NRG1: variants seen among roughly 807,000 people sequenced by gnomAD.
The protein encoded by NRG1 is pro-neuregulin-1, membrane-bound isoform.
In NRG1, 18 loss-of-function variants were observed where a neutral mutation model predicts 63.8. That is an observed-to-expected ratio of 0.28 (90% CI 0.19 to 0.42). The LOEUF (loss-of-function observed/expected upper bound fraction) is 0.42. Ranked by LOEUF, NRG1 falls within the 10% of genes least tolerant of loss-of-function variation. The pLI, the probability that NRG1 is intolerant of heterozygous loss-of-function variation, is 1.00. For missense variants in NRG1, 762 were observed against 814.7 expected, an observed-to-expected ratio of 0.94 and a Z score of 0.79; for synonymous variants, 302 against 301.3, an observed-to-expected ratio of 1.00 and a Z score of -0.02.
At chr8:32,370,447 A>T (rs1808662529) in intron 1 of NRG1, among the ~76,000 whole-genome samples, 1 of 152,178 alleles carries the variant, frequency 6.6e-6, no homozygotes, top group Non-Finnish European at 1.5e-5. Context: ...CTACAAAAGC[A>T]TTGAAAAAGG....
chr8:32,143,204 G>A (rs1836475070), intron 1 of NRG1, among the ~76,000 whole-genome samples: 1 of 152,046 alleles, frequency 6.6e-6, no homozygotes, highest in African/African-American at 2.4e-5. Flanking sequence ...CAGAGCAGAT[G>A]GCCTGTGTCT....
chr8:32,175,495 A>G (rs369449660), intron 1 of NRG1, among the ~76,000 whole-genome samples: 6 of 152,222 alleles, frequency 3.9e-5, no homozygotes, highest in East Asian at 1.9e-4. Context: ...TATCAGGCAG[A>G]AGAAGGAAAT....
At position 32,366,677 on chromosome 8, in the gene NRG1, GTATATA is replaced by G. The variant is rs71208175; in HGVS notation, c.38-229119_38-229114del. ...ATTGTGTGTGTGTGTGTGTGTGTGT[GTATATA>G]TATATATATATATATATATATATAT... On this transcript the variant is annotated intron_variant, in intron 1 of 10. Transcript: ENST00000519301. Among the ~76,000 whole-genome samples the G allele has an allele frequency of 3.4e-3, 299 of 87,496 alleles. 5 individuals are homozygous for G. Among genetic ancestry groups the G allele is most frequent in the African/African-American group, 0.011 (240 of 21,598 alleles). 57.4% of individuals were successfully genotyped at this position (87,496 alleles called of 152,430 possible).
At chr8:32,456,734 G>T (rs1435164448) in intron 1 of NRG1, among the ~76,000 whole-genome samples, 1 of 152,142 alleles carries the variant, frequency 6.6e-6, no homozygotes, top group Non-Finnish European at 1.5e-5. Flanking sequence ...AATTCTGGGG[G>T]AGTCAAAAGG....
intron 1 of NRG1, among the ~76,000 whole-genome samples, chr8:31,740,175 T>C (rs1815118126): frequency 6.6e-6 from 1 of 152,084 alleles, no homozygotes; most frequent in Non-Finnish European, 1.5e-5. Context: ...TTTACTACCA[T>C]TGTTATGATA....
At position 31,875,519 on chromosome 8, in the gene NRG1, C is replaced by T. The variant is rs147370405; in HGVS notation, c.37+236088C>T. Among the ~76,000 whole-genome samples the T allele has an allele frequency of 3.0e-3, 458 of 152,230 alleles. 2 individuals carry two copies. Among genetic ancestry groups the T allele is most frequent in the Middle Eastern group, 6.8e-3 (2 of 294 alleles). On this transcript the variant is annotated intron_variant, in intron 1 of 10. Transcript: ENST00000519301. ...TCTTGATTAATAATTGAGACCTAAA[C>T]ATGGCAAAAAACAGGTCTGCCTCAG...
intron 1 of NRG1, among the ~76,000 whole-genome samples, chr8:31,785,043 T>A (rs1322263247): frequency 1.3e-5 from 2 of 152,174 alleles, no homozygotes; most frequent in Non-Finnish European, 2.9e-5. Context: ...AATGGCAATG[T>A]GTTAAGTCCA....
intron 1 of NRG1, among the ~76,000 whole-genome samples, chr8:32,200,992 T>A (rs1310350005): frequency 5.3e-5 from 8 of 152,140 alleles, no homozygotes; most frequent in Admixed American, 5.2e-4. Context: ...CACTATACCT[T>A]ATTCTATAAA....
At chr8:32,021,126 C>T (rs1278385579) in intron 1 of NRG1, among the ~76,000 whole-genome samples, 1 of 152,042 alleles carries the variant, frequency 6.6e-6, no homozygotes, top group East Asian at 1.9e-4. Flanking sequence ...GTTAACATTC[C>T]AAGTATATTC....
intron 1 of NRG1, among the ~76,000 whole-genome samples, chr8:31,908,687 A>C (rs544037862): frequency 6.6e-6 from 1 of 152,334 alleles, no homozygotes; most frequent in African/African-American, 2.4e-5. Flanking sequence ...TTATGTAAAT[A>C]TTGCCAAAAT....
intron 1 of NRG1, among the ~76,000 whole-genome samples, chr8:32,065,004 C>T (rs1824517706): frequency 6.6e-6 from 1 of 151,892 alleles, no homozygotes; most frequent in Non-Finnish European, 1.5e-5. Context: ...GGGGGATAGT[C>T]TTGTTTTCTG....
At chr8:32,209,365 T>G (rs1174902137) in intron 1 of NRG1, among the ~76,000 whole-genome samples, 1 of 151,872 alleles carries the variant, frequency 6.6e-6, no homozygotes, top group Non-Finnish European at 1.5e-5. Context: ...AATTTCACTG[T>G]TTTTCTAGCT....
chr8:32,444,622 G>A (rs1449876035), intron 1 of NRG1, among the ~76,000 whole-genome samples: 1 of 152,162 alleles, frequency 6.6e-6, no homozygotes, highest in African/African-American at 2.4e-5. Context: ...ATTTCCCAAA[G>A]GGGGAACCCA....
chr8:31,873,228 A>T (rs956690111), intron 1 of NRG1, among the ~76,000 whole-genome samples: 1 of 152,140 alleles, frequency 6.6e-6, no homozygotes, highest in Non-Finnish European at 1.5e-5. Flanking sequence ...GGGATTTAAA[A>T]TTTTTTATTT....
At chr8:32,349,198 C>T (rs1805281820) in intron 1 of NRG1, among the ~76,000 whole-genome samples, 1 of 152,052 alleles carries the variant, frequency 6.6e-6, no homozygotes, top group African/African-American at 2.4e-5. Flanking sequence ...TGCTGCCAAT[C>T]AGAATCCCAA....
intron 1 of NRG1, among the ~76,000 whole-genome samples, chr8:31,848,262 A>G (rs1031039776): frequency 1.3e-5 from 2 of 152,210 alleles, no homozygotes; most frequent in African/African-American, 4.8e-5. Flanking sequence ...TTTCGAAATT[A>G]TATAACTAGA....
intron 1 of NRG1, among the ~76,000 whole-genome samples, chr8:32,412,443 T>TAC (rs1309368930): frequency 1.2e-3 from 65 of 54,528 alleles, no homozygotes; most frequent in East Asian, 2.0e-3. Flanking sequence ...TATATATATA[T>TAC]ATATATATAC....
chr8:32,651,330 A>G (rs1855078407), intron 5 of NRG1, among the ~76,000 whole-genome samples: 1 of 152,190 alleles, frequency 6.6e-6, no homozygotes, highest in African/African-American at 2.4e-5. Context: ...ATTTCTAAAT[A>G]TGGTTAATGG....
At chr8:31,719,098 C>T (rs1812649611) in intron 1 of NRG1, among the ~76,000 whole-genome samples, 1 of 152,160 alleles carries the variant, frequency 6.6e-6, no homozygotes, top group South Asian at 2.1e-4. Flanking sequence ...GATTTTGTTT[C>T]ATTTCCCCGG....
Sources: gnomAD v4.1 joint callset for allele counts (sites outside exome capture counted in the v4.1 genomes callset) on GRCh38, gnomAD v4.1.1 for gene constraint, MANE v1.5 for transcripts, NCBI Gene and HGNC (gene_info 2026-07-23, HGNC 2026-07-21) for gene names.